DOK6: variants seen among roughly 807,000 people sequenced by gnomAD.
DOK6 encodes downstream of tyrosine kinase 6.
In DOK6, 22 loss-of-function variants were observed where a neutral mutation model predicts 44.0. That is an observed-to-expected ratio of 0.50 (90% CI 0.36 to 0.71). The LOEUF (loss-of-function observed/expected upper bound fraction) is 0.71. Ranked by LOEUF, DOK6 falls within the 30% of genes least tolerant of loss-of-function variation. The probability of loss-of-function intolerance (pLI) is 0.00; values close to 1 mark genes in which losing one functional copy is unlikely to be tolerated. For synonymous variants in DOK6, 166 were observed against 145.5 expected, an observed-to-expected ratio of 1.14 and a Z score of -1.01; for missense variants, 340 against 416.4, an observed-to-expected ratio of 0.82 and a Z score of 1.60.
chr18:69,657,681 A>C (rs992119568), intron 3 of DOK6, among the ~76,000 whole-genome samples: 20 of 152,348 alleles, frequency 1.3e-4, no homozygotes, highest in African/African-American at 4.8e-4. Flanking sequence ...AATAGTCTCA[A>C]AATAAAAATT....
chr18:69,653,552 C>A (rs1292450344), intron 3 of DOK6, among the ~76,000 whole-genome samples: 1 of 152,092 alleles, frequency 6.6e-6, no homozygotes, highest in African/African-American at 2.4e-5. Flanking sequence ...ATTTCAGGAT[C>A]CACCAAGGAA....
At chr18:69,664,143 A>C (rs1244485803) in intron 3 of DOK6, among the ~76,000 whole-genome samples, 3 of 152,212 alleles carry the variant, frequency 2.0e-5, no homozygotes, top group Non-Finnish European at 2.9e-5. Context: ...TCAGAATCGA[A>C]TATTTGAAAT....
chr18:69,677,780 G>A lies in DOK6; in HGVS notation c.336G>A (p.Leu112=), dbSNP rs1383183219. 6.2e-7 allele frequency: 1 copy of A among 1,613,726 alleles called. No individual in the cohort carries two copies. The highest frequency in any genetic ancestry group is 1.7e-5 in the Admixed American group (1 of 60,000). ...GCAAGCACCTCTGCATGGAGTGTCT[G>A]GGGACCAGGCTCAATGATATCAGCC... ...EWCKHLCMEC[L]GTRLNDISLG... is the part of the protein sequence containing the mutation. The change falls in exon 4 of 8, where the codon CTG becomes CTA. Residue 112 remains leucine (L), a synonymous_variant. Coordinates refer to ENST00000382713, the MANE Select transcript of DOK6 (RefSeq NM_152721.6).
At chr18:69,749,573 C>A (rs1267305409) in intron 6 of DOK6, among the ~76,000 whole-genome samples, 1 of 152,110 alleles carries the variant, frequency 6.6e-6, no homozygotes, top group Non-Finnish European at 1.5e-5. Flanking sequence ...GCTTCAGCAT[C>A]CTCTCATTTT....
intron 1 of DOK6, among the ~76,000 whole-genome samples, chr18:69,441,311 C>A (rs1979131207): frequency 6.6e-6 from 1 of 152,036 alleles, no homozygotes; most frequent in Non-Finnish European, 1.5e-5. Context: ...TGTTTCTTTT[C>A]TGTCCATCTT....
At chr18:69,777,924 A>T (rs1980129519) in intron 7 of DOK6, 1 of 152,192 alleles carries the variant, frequency 6.6e-6, no homozygotes, top group African/African-American at 2.4e-5. Flanking sequence ...TTTAACAGGA[A>T]AGAGTTGCAA....
intron 6 of DOK6, among the ~76,000 whole-genome samples, chr18:69,750,122 A>G (rs1230271883): frequency 1.3e-5 from 2 of 150,512 alleles, no homozygotes; most frequent in African/African-American, 4.9e-5. Flanking sequence ...TTCTACTAGA[A>G]CAAGTGCAGA....
intron 4 of DOK6, among the ~76,000 whole-genome samples, chr18:69,684,860 T>G (rs1986117125): frequency 6.6e-6 from 1 of 152,122 alleles, no homozygotes; most frequent in South Asian, 2.1e-4. Flanking sequence ...GGTGCTCAAC[T>G]TTTCCTTAGT....
chr18:69,672,708 G>GTT (rs1985832814), intron 3 of DOK6, among the ~76,000 whole-genome samples: 1 of 95,010 alleles, frequency 1.1e-5, no homozygotes, highest in Non-Finnish European at 2.3e-5. Context: ...AAAAAAAAAA[G>GTT]GGGGGGGTGG....
At chr18:69,488,574 C>A (rs1020792434) in intron 1 of DOK6, among the ~76,000 whole-genome samples, 2 of 152,160 alleles carry the variant, frequency 1.3e-5, no homozygotes, top group African/African-American at 4.8e-5. Context: ...GGAGGCCTCA[C>A]AATCATGGGG....
intron 6 of DOK6, among the ~76,000 whole-genome samples, chr18:69,747,221 A>T (rs1207866372): frequency 2.0e-5 from 3 of 152,244 alleles, no homozygotes; most frequent in African/African-American, 7.2e-5. Context: ...TCTCAGTTGT[A>T]TATAGATTTG....
intron 1 of DOK6, among the ~76,000 whole-genome samples, chr18:69,438,406 A>G (rs1378706243): frequency 6.6e-6 from 1 of 152,294 alleles, no homozygotes; most frequent in East Asian, 1.9e-4. Flanking sequence ...GATTTCAGCA[A>G]TTCAGTCACA....
At chr18:69,561,378 G>T (rs1257397459) in intron 1 of DOK6, among the ~76,000 whole-genome samples, 1 of 152,036 alleles carries the variant, frequency 6.6e-6, no homozygotes, top group Non-Finnish European at 1.5e-5. Flanking sequence ...CTTCATTTAA[G>T]TTCAAAAGCA....
In DOK6 at chr18:69,698,895, C is replaced by T. The variant is rs62092669; in HGVS notation, c.599+302C>T. Among the ~76,000 whole-genome samples, 961 of 152,206 alleles carry T rather than the reference C, an allele frequency of 6.3e-3. 7 individuals carry two copies. The highest frequency in any genetic ancestry group is 0.011 in the Non-Finnish European group (723 of 68,012). ...TATGTTTTGCAAGATTATTACAATA[C>T]TATATTTTCGGTGTGCCTGTATGCA... On this transcript the variant is annotated intron_variant, in intron 5 of 7. Transcript: ENST00000382713.
chr18:69,803,954 C>T (rs1980980010), intron 7 of DOK6, among the ~76,000 whole-genome samples: 1 of 152,034 alleles, frequency 6.6e-6, no homozygotes, highest in South Asian at 2.1e-4. Context: ...TTTAAATTAC[C>T]AAAAACTCTA....
chr18:69,803,799 C>T (rs1980973222), intron 7 of DOK6, among the ~76,000 whole-genome samples: 1 of 152,066 alleles, frequency 6.6e-6, no homozygotes, highest in African/African-American at 2.4e-5. Flanking sequence ...GCAGAGGTTG[C>T]AGTGAGCCAA....
chr18:69,446,674 C>T (rs1979303551), intron 1 of DOK6, among the ~76,000 whole-genome samples: 1 of 152,192 alleles, frequency 6.6e-6, no homozygotes, highest in Non-Finnish European at 1.5e-5. Flanking sequence ...GTCCCACCAA[C>T]AGTGTCAAAG....
rs193248503 is a variant in DOK6 at position 69,608,538 on chromosome 18, A to G, written c.289+9040A>G. On this transcript the variant is annotated intron_variant, in intron 3 of 7. Transcript: ENST00000382713. ...TAGAATTTTTTTTATTTTTGTAAAA[A>G]AAGTCATTGAAATTTTGAGAGGGAT... is the stretch of plus-strand genomic sequence containing the variant. Among the ~76,000 whole-genome samples, 106 of 152,286 alleles carry G rather than the reference A, an allele frequency of 7.0e-4. No homozygotes were observed. The Middle Eastern group carries it at 0.014, about 20-fold the overall frequency.
intron 2 of DOK6, among the ~76,000 whole-genome samples, chr18:69,584,924 T>C (rs1983464145): frequency 6.6e-6 from 1 of 152,086 alleles, no homozygotes; most frequent in African/African-American, 2.4e-5. Context: ...TTTCCCCTTT[T>C]CATCCTGTAC....
Sources: allele counts gnomAD v4.1 joint callset (sites outside exome capture counted in the v4.1 genomes callset), GRCh38; gene constraint gnomAD v4.1.1; transcripts MANE v1.5; gene names NCBI Gene and HGNC (gene_info 2026-07-23, HGNC 2026-07-21).